Variants in PPARG observed in about 807,000 individuals in gnomAD.
PPARG encodes the protein peroxisome proliferator activated receptor gamma.
In PPARG, 17 loss-of-function variants were observed where a neutral mutation model predicts 39.2. The observed-to-expected ratio is 0.43, with a 90% CI of 0.30 to 0.65. The LOEUF is 0.65. Ranked by LOEUF, PPARG falls within the 30% of genes least tolerant of loss-of-function variation. The pLI is 0.13. For missense variants in PPARG, 406 were observed against 585.9 expected (o/e 0.69, Z 3.17); for synonymous variants, 223 against 215.7 (o/e 1.03, Z -0.30).
At chr3:12,326,446 C>T (rs1410852224) in intron 2 of PPARG, among the ~76,000 whole-genome samples, 2 of 152,176 alleles carry the variant, frequency 1.3e-5, no homozygotes, top group Non-Finnish European at 2.9e-5. Flanking sequence ...TTAATGTTCT[C>T]AAATGAGAAA....
At chr3:12,422,708 C>T (rs2051305164) in intron 7 of PPARG, among the ~76,000 whole-genome samples, 3 of 151,648 alleles carry the variant, frequency 2.0e-5, no homozygotes, top group African/African-American at 7.3e-5. Context: ...AGGGAGGCTT[C>T]GTCTCTACAA....
intron 6 of PPARG, among the ~76,000 whole-genome samples, chr3:12,410,167 G>A (rs1272901773): frequency 6.6e-6 from 1 of 152,190 alleles, no homozygotes; most frequent in Non-Finnish European, 1.5e-5. Flanking sequence ...GGATGGAACT[G>A]ACTGTCCCCA....
chr3:12,307,030 A>G (rs113484502), intron 1 of PPARG, among the ~76,000 whole-genome samples: 12,799 of 148,534 alleles, frequency 0.086, 691 homozygotes, highest in Admixed American at 0.17. Context: ...CCCGGGAGGC[A>G]GAGATTGCAG....
intron 4 of PPARG, among the ~76,000 whole-genome samples, chr3:12,382,086 T>A (rs1336580559): frequency 6.6e-6 from 1 of 152,156 alleles, no homozygotes; most frequent in Non-Finnish European, 1.5e-5. Flanking sequence ...TTAGTAAAAC[T>A]TGCCAAGGTC....
intron 4 of PPARG, among the ~76,000 whole-genome samples, chr3:12,386,449 G>C (rs925791686): frequency 2.0e-5 from 3 of 151,752 alleles, no homozygotes; most frequent in African/African-American, 7.3e-5. Context: ...CACAAAAAAT[G>C]TGATACACTT....
At chr3:12,288,925 A>G (rs572181473), upstream of PPARG, 9 of 152,546 alleles carry the variant, frequency 5.9e-5, no homozygotes, top group African/African-American at 1.9e-4. Flanking sequence ...GTTAACAGAA[A>G]TCTCAGGTCC....
At position 12,349,681 on chromosome 3, in the gene PPARG, T is replaced by C. The variant is rs559669333; in HGVS notation, c.-8-30023T>C. Among the ~76,000 whole-genome samples the C allele has an allele frequency of 2.0e-5, 3 of 152,326 alleles. No homozygotes were observed. The East Asian group carries it at 5.8e-4, about 29-fold the overall frequency. ...AATATTTGTTGAACAAACAAATGCA[T>C]GAAATGTAATGAGTAAGACAGGTTT... On this transcript the variant is annotated intron_variant, in intron 2 of 7. Coordinates refer to ENST00000651735, the MANE Select transcript of PPARG (RefSeq NM_138711.6).
chr3:12,323,598 T>A (rs1160140039), intron 2 of PPARG, among the ~76,000 whole-genome samples: 2 of 152,206 alleles, frequency 1.3e-5, no homozygotes, highest in African/African-American at 4.8e-5. Context: ...ATTTGACAGG[T>A]GAATTAAGTG....
intron 2 of PPARG, among the ~76,000 whole-genome samples, chr3:12,325,606 A>T (rs2881479): frequency 0.13 from 19,801 of 151,784 alleles, 1,587 homozygotes; most frequent in East Asian, 0.33. Context: ...GTCTCAAAAA[A>T]AAATAAATAA....
intron 7 of PPARG, among the ~76,000 whole-genome samples, chr3:12,427,098 G>A (rs556840369): frequency 2.0e-5 from 3 of 151,944 alleles, no homozygotes; most frequent in South Asian, 2.1e-4. Flanking sequence ...ACCAAGCTCC[G>A]ATTCAAATTT....
intron 1 of PPARG, chr3:12,297,877 A>C (rs1490284676): frequency 1.3e-5 from 2 of 151,846 alleles, no homozygotes; most frequent in South Asian, 4.2e-4. Flanking sequence ...AGAGTTACCC[A>C]GTTTTCCTGC....
intron 7 of PPARG, among the ~76,000 whole-genome samples, chr3:12,426,671 G>A (rs898543367): frequency 1.3e-5 from 2 of 151,992 alleles, no homozygotes; most frequent in Non-Finnish European, 2.9e-5. Flanking sequence ...AAGGTAAGAA[G>A]AAAATGAGGC....
chr3:12,396,002 T>C (rs114879103), intron 5 of PPARG, among the ~76,000 whole-genome samples: 4 of 152,382 alleles, frequency 2.6e-5, no homozygotes, highest in Non-Finnish European at 4.4e-5. Context: ...GTTGCTTCTT[T>C]AGTCAAATGG....
chr3:12,420,274 G>A (rs1455310312), intron 7 of PPARG, among the ~76,000 whole-genome samples: 1 of 152,168 alleles, frequency 6.6e-6, no homozygotes, highest in Non-Finnish European at 1.5e-5. Context: ...GGCATCTATC[G>A]AGGATGAGAT....
At chr3:12,347,077 A>G (rs2048347169) in intron 2 of PPARG, among the ~76,000 whole-genome samples, 1 of 152,026 alleles carries the variant, frequency 6.6e-6, no homozygotes, top group African/African-American at 2.4e-5. Context: ...ATGATACACG[A>G]GAGACTGAGG....
chr3:12,330,571 T>C (rs1473682113), intron 2 of PPARG, among the ~76,000 whole-genome samples: 1 of 152,234 alleles, frequency 6.6e-6, no homozygotes, highest in Non-Finnish European at 1.5e-5. Context: ...ATGATTTCAT[T>C]TGAACACAGA....
chr3:12,353,944 G>A (rs1229774140), intron 2 of PPARG, among the ~76,000 whole-genome samples: 2 of 152,070 alleles, frequency 1.3e-5, no homozygotes, highest in Non-Finnish European at 2.9e-5. Flanking sequence ...ATTTTAAGTC[G>A]TTGCACCAGA....
chr3:12,391,799 A>C (rs10510420), intron 4 of PPARG, among the ~76,000 whole-genome samples: 15,498 of 152,214 alleles, frequency 0.1, 2,590 homozygotes, highest in African/African-American at 0.35. Flanking sequence ...GGCCAGATAC[A>C]TTTGAAAGAA....
chr3:12,399,637 G>GAGGAAGGA (rs371397694), intron 5 of PPARG: 1 of 132,690 alleles, frequency 7.5e-6, no homozygotes, highest in Non-Finnish European at 1.5e-5. Flanking sequence ...GGATGGAAGG[G>GAGGAAGGA]AGGAAGGAAG....
Sources: gnomAD v4.1 joint callset for allele counts (sites outside exome capture counted in the v4.1 genomes callset) on GRCh38, gnomAD v4.1.1 for gene constraint, MANE v1.5 for transcripts, NCBI Gene and HGNC (gene_info 2026-07-23, HGNC 2026-07-21) for gene names.